Variants in PLAAT5 observed in about 807,000 individuals in gnomAD.
PLAAT5 encodes the protein phospholipase A and acyltransferase 5.
Under a neutral mutation model 27.8 loss-of-function variants are expected in PLAAT5, and 27 were observed. The ratio of observed to expected loss-of-function variants is 0.97; its 90% CI spans 0.72 to 1.34. The LOEUF (loss-of-function observed/expected upper bound fraction) is 1.34, where lower values mean the gene tolerates loss of function less well. PLAAT5 is among the 40% of genes most tolerant of loss of function. PLAAT5 has a pLI of 0.00. For missense variants in PLAAT5, 368 were observed against 343.8 expected (o/e 1.07, Z -0.56); for synonymous variants, 125 against 136.1 (o/e 0.92, Z 0.57).
intron 4 of PLAAT5, among the ~76,000 whole-genome samples, chr11:63,467,629 G>C (rs1411703438): frequency 1.3e-5 from 2 of 151,962 alleles, no homozygotes; most frequent in Non-Finnish European, 2.9e-5. Context: ...TATTCAACAG[G>C]GTCTACCTAC....
chr11:63,466,373 C>T lies in PLAAT5; in HGVS notation c.455-1G>A. On this transcript the variant is annotated splice_acceptor_variant, in intron 4 of 5. Transcript: ENST00000540857. LOFTEE classifies it high-confidence loss of function. ...ATGCTGCCCACCTCAAACTCCTCAC[C>T]TGGAGACCAAAGACAAACAAAGGTT... The T allele has an allele frequency of 6.2e-7, 1 of 1,613,812 alleles. No homozygotes were observed. The highest frequency in any genetic ancestry group is 8.5e-7 in the Non-Finnish European group (1 of 1,179,906).
intron 3 of PLAAT5, among the ~76,000 whole-genome samples, chr11:63,487,028 G>A (rs905130208): frequency 2.0e-5 from 3 of 152,134 alleles, no homozygotes; most frequent in East Asian, 1.9e-4. Context: ...AGTGACATCC[G>A]TGTTGTTGCT....
At chr11:63,487,797 A>G (rs2016470792) in intron 3 of PLAAT5, among the ~76,000 whole-genome samples, 1 of 152,256 alleles carries the variant, frequency 6.6e-6, no homozygotes, top group South Asian at 2.1e-4. Flanking sequence ...AATACTGCTC[A>G]GTAATAAAAA....
At chr11:63,485,099 C>T (rs9888267) in intron 3 of PLAAT5, among the ~76,000 whole-genome samples, 1,840 of 151,842 alleles carry the variant, frequency 0.012, 51 homozygotes, top group African/African-American at 0.042. Context: ...TGAAAGATCT[C>T]TACAAGGAAA....
rs1471124321 is a variant in PLAAT5, at chr11:63,463,342, T to C, written c.*161A>G. 1.3e-5 allele frequency: 9 copies of C among 677,128 alleles called. No individual in the cohort carries two copies. The highest frequency in any genetic ancestry group is 2.1e-5 in the Non-Finnish European group (8 of 373,686). The allele number at this position is 677,128 out of a possible 1,614,324, so 41.9% of individuals were successfully genotyped here. ...GAGAGTCTGTGGGTCTATGCTCGTA[T>C]ATATTGGATGTATTTCTGGAAGGGT... is the stretch of plus-strand genomic sequence containing the variant. On this transcript the variant is annotated 3_prime_UTR_variant, in exon 6 of 6. Coordinates refer to ENST00000540857, the MANE Select transcript of PLAAT5 (RefSeq NM_001146729.2).
At chr11:63,467,810 A>G (rs1440106121) in intron 4 of PLAAT5, among the ~76,000 whole-genome samples, 1 of 152,150 alleles carries the variant, frequency 6.6e-6, no homozygotes, top group African/African-American at 2.4e-5. Flanking sequence ...AATTAACACA[A>G]ATTGAATCTC....
intron 4 of PLAAT5, among the ~76,000 whole-genome samples, chr11:63,466,793 G>A (rs2015878437): frequency 6.6e-6 from 1 of 152,158 alleles, no homozygotes; most frequent in Non-Finnish European, 1.5e-5. Context: ...GTGGTTCCAT[G>A]TCACGCCTCC....
chr11:63,469,599 A>G (rs907399057), intron 3 of PLAAT5: 1 of 227,388 alleles, frequency 4.4e-6, no homozygotes, highest in Non-Finnish European at 1.0e-5. Context: ...AAAGGCTGTA[A>G]AAGTGTGGGT....
chr11:63,488,001 C>T (rs375154650), intron 3 of PLAAT5, among the ~76,000 whole-genome samples: 15 of 152,084 alleles, frequency 9.9e-5, no homozygotes, highest in East Asian at 1.9e-4. Flanking sequence ...AAAAATTAGC[C>T]GGGCATGGTG....
intron 3 of PLAAT5, among the ~76,000 whole-genome samples, chr11:63,483,850 T>A (rs1391447520): frequency 1.7e-5 from 2 of 119,014 alleles, no homozygotes; most frequent in African/African-American, 5.9e-5. Flanking sequence ...TATACACATA[T>A]ATATATATGA....
chr11:63,481,508 T>A (rs2016283812), intron 3 of PLAAT5, among the ~76,000 whole-genome samples: 1 of 152,226 alleles, frequency 6.6e-6, no homozygotes, highest in Non-Finnish European at 1.5e-5. Context: ...AATGTTCATT[T>A]CAAAGCTCCC....
intron 3 of PLAAT5, among the ~76,000 whole-genome samples, chr11:63,488,488 T>C (rs948090820): frequency 2.0e-5 from 3 of 152,168 alleles, no homozygotes; most frequent in Non-Finnish European, 2.9e-5. Flanking sequence ...ATATGTCAAT[T>C]ACACCTCAAT....
intron 3 of PLAAT5, among the ~76,000 whole-genome samples, chr11:63,478,779 T>G (rs1040580328): frequency 5.3e-5 from 8 of 152,218 alleles, no homozygotes; most frequent in Non-Finnish European, 1.2e-4. Context: ...CCTGCCCACT[T>G]GCAGCAATGA....
In PLAAT5 at chr11:63,466,266, A is replaced by T; in HGVS notation, c.561T>A (p.Asn187Lys). Residue 187 changes from asparagine to lysine, a missense_variant, in exon 5 of 6, where the codon AAT becomes AAA. Transcript: ENST00000540857. ...GCAGGTACGTCCCATCTAGCTTGTT[A>T]TTGACCTTCCAGGAGCAGCCATGCA... ...DVLHGCSWKV[N>K]NKLDGTYLPL... is the part of the protein sequence containing the mutation. 1.2e-6 allele frequency: 2 copies of T among 1,614,146 alleles called. No individual in the cohort carries two copies. Among genetic ancestry groups the T allele is most frequent in the Non-Finnish European group, 1.7e-6 (2 of 1,180,028 alleles).
In PLAAT5 at chr11:63,490,959, CG is replaced by C; in HGVS notation, c.75del (p.Ala26ProfsTer46). On this transcript the variant is annotated frameshift_variant, in exon 1 of 6. Transcript: ENST00000540857. LOFTEE classifies it high-confidence loss of function. ...GGCCCGGTACTGGCGGTTCGCGAGGCGGGTTTGGGGAGGGGTGGGGGAATCC... is the reference window on the plus strand; with the variant it reads ...GGCCCGGTACTGGCGGTTCGCGAGGCGGTTTGGGGAGGGGTGGGGGAATCC... ...LPRIPPPLPK[P>X]ASRTASTGPK... 1 of 1,589,358 alleles carries C rather than the reference CG, an allele frequency of 6.3e-7. No homozygotes were observed. Among genetic ancestry groups the C allele is most frequent in the Non-Finnish European group, 8.6e-7 (1 of 1,167,836 alleles).
In PLAAT5 at chr11:63,463,472, ACT is replaced by A; in HGVS notation, c.*29_*30del. The stretch of plus-strand genomic sequence containing the variant: ...CATGTTCTTTTTGCTTGTGTCAGTA[ACT>A]CTTCCTCTAGCTGGAGTTTTCATCA... On this transcript the variant is annotated 3_prime_UTR_variant, in exon 6 of 6. Coordinates refer to ENST00000540857, the MANE Select transcript of PLAAT5 (RefSeq NM_001146729.2). 6.5e-7 allele frequency: 1 copy of A among 1,529,016 alleles called. No homozygotes were observed. The highest frequency in any genetic ancestry group is 1.4e-5 in the African/African-American group (1 of 73,300). 94.7% of individuals were successfully genotyped at this position (1,529,016 alleles called of 1,614,324 possible).
intron 3 of PLAAT5, among the ~76,000 whole-genome samples, chr11:63,486,462 C>T (rs60365863): frequency 0.02 from 2,992 of 151,878 alleles, 107 homozygotes; most frequent in African/African-American, 0.069. Context: ...ACACACACCA[C>T]GGAATACTAC....
At chr11:63,488,151 A>T (rs2016480913) in intron 3 of PLAAT5, among the ~76,000 whole-genome samples, 3 of 152,248 alleles carry the variant, frequency 2.0e-5, no homozygotes, top group African/African-American at 7.2e-5. Context: ...TCTCGAAAAA[A>T]ATATATATAG....
chr11:63,468,966 CCT>C (rs1316520324), intron 3 of PLAAT5, among the ~76,000 whole-genome samples: 4 of 152,024 alleles, frequency 2.6e-5, no homozygotes, highest in African/African-American at 7.2e-5. Flanking sequence ...CTGCTGGCAC[CCT>C]GATTCCCTCT....
Sources: gnomAD v4.1 joint callset for allele counts (sites outside exome capture counted in the v4.1 genomes callset) on GRCh38, gnomAD v4.1.1 for gene constraint, MANE v1.5 for transcripts, NCBI Gene and HGNC (gene_info 2026-07-23, HGNC 2026-07-21) for gene names.